Variants in SPI1 observed in about 807,000 individuals in gnomAD.
The protein encoded by SPI1 is transcription factor PU.1.
A neutral mutation model predicts 30.7 loss-of-function variants in SPI1; 3 were observed. That is an observed-to-expected ratio of 0.10 (90% CI 0.04 to 0.25). The LOEUF is 0.25. Ranked by LOEUF, SPI1 falls within the 10% of genes least tolerant of loss-of-function variation. SPI1 has a pLI of 1.00. For missense variants in SPI1, 261 were observed against 371.5 expected, an observed-to-expected ratio of 0.70 and a Z score of 2.45; for synonymous variants, 169 against 157.1, an observed-to-expected ratio of 1.08 and a Z score of -0.56.
In SPI1 at chr11:47,358,911, T is replaced by G; in HGVS notation, c.426A>C (p.Pro142=). 1 of 1,563,052 alleles carries G rather than the reference T, an allele frequency of 6.4e-7. No homozygotes were observed. Among genetic ancestry groups the G allele is most frequent in the Non-Finnish European group, 8.7e-7 (1 of 1,154,662 alleles). The change falls in exon 4 of 5, where the codon CCA becomes CCC. Residue 142 remains proline, a synonymous_variant. Coordinates refer to ENST00000378538, the MANE Select transcript of SPI1 (RefSeq NM_003120.3). The stretch of plus-strand genomic sequence containing the variant: ...CCGCCTCGCCGTCAGACACCTCCAG[T>G]GGGGGGCTCTGCCGCTCGCCCTCCT... The part of the protein sequence containing the change: ...DEEEGERQSP[P]LEVSDGEADG...
Position 47,355,416 on chromosome 11 carries a change from C to G in SPI1, c.624G>C (p.Ala208=), listed in dbSNP as rs113063744. The G allele has an allele frequency of 4.6e-5, 74 of 1,613,872 alleles. 1 individual carries two copies. In the African/African-American group the frequency reaches 7.6e-4, roughly 17 times the overall value. ...TFQFSSKHKE[A]LAHRWGIQKG... is the part of the protein sequence containing the mutation. The stretch of plus-strand genomic sequence containing the variant: ...TCTGGATGCCCCAGCGGTGCGCCAG[C>G]GCCTCCTTGTGCTTGGACGAGAACT... The change falls in exon 5 of 5, where the codon GCG becomes GCC. Residue 208 remains alanine (A), a synonymous_variant. Transcript: ENST00000378538.
intron 2 of SPI1, among the ~76,000 whole-genome samples, chr11:47,360,246 A>G (rs1038396617): frequency 6.6e-6 from 1 of 152,144 alleles, no homozygotes; most frequent in Admixed American, 6.5e-5. Context: ...CCCAAGGTCA[A>G]AAGCATCCGG....
intron 2 of SPI1, among the ~76,000 whole-genome samples, chr11:47,365,075 A>G (rs1433453372): frequency 6.6e-6 from 1 of 152,230 alleles, no homozygotes; most frequent in African/African-American, 2.4e-5. Flanking sequence ...TTCCAAATAC[A>G]GAGCCCTCTG....
chr11:47,358,584 C>T (rs1165131058), intron 4 of SPI1: 2 of 702,938 alleles, frequency 2.8e-6, no homozygotes, highest in Non-Finnish European at 5.2e-6. Flanking sequence ...CACACACACC[C>T]AGATGTACAC....
intron 2 of SPI1, among the ~76,000 whole-genome samples, chr11:47,361,819 T>C (rs2095921215): frequency 6.6e-6 from 1 of 152,216 alleles, no homozygotes. Flanking sequence ...GAGTACTCGC[T>C]TTCTAAACCT....
At chr11:47,370,031 T>C (rs1014848982) in intron 2 of SPI1, among the ~76,000 whole-genome samples, 2 of 152,154 alleles carry the variant, frequency 1.3e-5, no homozygotes, top group Non-Finnish European at 2.9e-5. Context: ...CGGATAGCAA[T>C]GGAGGAGATG....
intron 2 of SPI1, among the ~76,000 whole-genome samples, chr11:47,366,567 A>T (rs775893673): frequency 6.6e-6 from 1 of 152,160 alleles, no homozygotes; most frequent in Non-Finnish European, 1.5e-5. Context: ...TCAGACGTAG[A>T]AACAGGCTCA....
Position 47,358,753 on chromosome 11 carries a change from C to T in SPI1, c.493+91G>A, listed in dbSNP as rs1330403013. 40 of 1,291,604 alleles carry T rather than the reference C, an allele frequency of 3.1e-5. No individual in the cohort carries two copies. In the African/African-American group the frequency reaches 4.7e-4, roughly 15 times the overall value. The allele number at this position is 1,291,604 out of a possible 1,614,324, so 80.0% of individuals were successfully genotyped here. A position where few individuals can be genotyped will look rare whatever the true frequency, so the allele number is the denominator to read the frequency against. ...CACACACACACACGCGACTCGGTGG[C>T]GTGGCTGCTGGGTCAGTTGGCCTGG... On this transcript the variant is annotated intron_variant, in intron 4 of 4. Transcript: ENST00000378538.
rs2095917191 is a variant in SPI1 at position 47,359,324 on chromosome 11, G to A, written c.331-318C>T. On this transcript the variant is annotated intron_variant, in intron 3 of 4. Coordinates refer to ENST00000378538, the MANE Select transcript of SPI1 (RefSeq NM_003120.3). The surrounding 1 kb of genome is among the most constrained non-coding windows in gnomAD (Gnocchi z 5.1). Reference sequence around the variant, plus strand: ...AGCGGTGCTGTGTGGACCCGCATTAGGCTGGGGTCAGAAGAGGGCATGCTA... The same window carrying A: ...AGCGGTGCTGTGTGGACCCGCATTAAGCTGGGGTCAGAAGAGGGCATGCTA... Among the ~76,000 whole-genome samples the A allele has an allele frequency of 6.6e-6, 1 of 152,186 alleles. No homozygotes were observed. The highest frequency in any genetic ancestry group is 1.5e-5 in the Non-Finnish European group (1 of 68,026).
intron 4 of SPI1, among the ~76,000 whole-genome samples, chr11:47,356,453 C>T (rs1218963987): frequency 6.6e-6 from 1 of 151,102 alleles, no homozygotes; most frequent in Non-Finnish European, 1.5e-5. Flanking sequence ...CACACTCAGA[C>T]CCACTTACTG....
intron 4 of SPI1, chr11:47,358,066 C>T (rs948091281): frequency 5.8e-6 from 1 of 171,830 alleles, no homozygotes; most frequent in East Asian, 1.6e-4. Flanking sequence ...CATGCACAGA[C>T]CTGCTCACAT....
At chr11:47,377,851 A>G (rs2095944347) in intron 1 of SPI1, among the ~76,000 whole-genome samples, 1 of 152,160 alleles carries the variant, frequency 6.6e-6, no homozygotes, top group Admixed American at 6.5e-5. Context: ...CCAGAGTTCC[A>G]TCAGCTTTGG....
chr11:47,360,089 G>A (rs911314892), intron 2 of SPI1, 49 bp from the exon 3 acceptor site: 7 of 1,428,786 alleles, frequency 4.9e-6, no homozygotes, highest in African/African-American at 4.3e-5. Context: ...GTTGGGCAGG[G>A]CAGGAAAAGG....
chr11:47,356,648 TAC>T (rs1377408164), intron 4 of SPI1, among the ~76,000 whole-genome samples: 1 of 151,204 alleles, frequency 6.6e-6, no homozygotes, highest in East Asian at 2.0e-4. Flanking sequence ...CACACCTGCT[TAC>T]ACATCTTACA....
At position 47,374,217 on chromosome 11, in the gene SPI1, G is replaced by A. The variant is rs1194674702; in HGVS notation, c.142+1416C>T. ...TCTGGTAGGGAGAGCTGGGGATGGAGTTGGGGGAGGGGGACTTTCTCTCTA... is the reference window on the plus strand; with the variant it reads ...TCTGGTAGGGAGAGCTGGGGATGGAATTGGGGGAGGGGGACTTTCTCTCTA... On this transcript the variant is annotated intron_variant, in intron 2 of 4. Coordinates refer to ENST00000378538, the MANE Select transcript of SPI1 (RefSeq NM_003120.3). The surrounding 1 kb of genome is among the most constrained non-coding windows in gnomAD (Gnocchi z 4.5). Among the ~76,000 whole-genome samples, 2 of 152,246 alleles carry A rather than the reference G, an allele frequency of 1.3e-5. No individual in the cohort carries two copies. The highest frequency in any genetic ancestry group is 1.3e-4 in the Admixed American group (2 of 15,286).
chr11:47,373,194 T>C (rs994752705), intron 2 of SPI1, among the ~76,000 whole-genome samples: 1 of 150,598 alleles, frequency 6.6e-6, no homozygotes, highest in African/African-American at 2.5e-5. Flanking sequence ...CTACTAAAAA[T>C]ACAAAAAATT....
chr11:47,373,794 A>G (rs1196857925), intron 2 of SPI1, among the ~76,000 whole-genome samples: 1 of 152,170 alleles, frequency 6.6e-6, no homozygotes, highest in Admixed American at 6.5e-5. Flanking sequence ...GTGCCCAGGC[A>G]TCCAATCAGG....
chr11:47,358,474 A>G (rs552459228), intron 4 of SPI1: 76 of 648,010 alleles, frequency 1.2e-4, no homozygotes, highest in Non-Finnish European at 1.8e-4. Context: ...TCTCAGCCAC[A>G]CCAGCTCTCA....
In SPI1 at chr11:47,358,935, C is replaced by G. The variant is rs973223392; in HGVS notation, c.402G>C (p.Glu134Asp). Residue 134 changes from glutamate to aspartate, a missense_variant, in exon 4 of 5, where the codon GAG (glutamate) becomes GAC (aspartate). Coordinates refer to ENST00000378538, the MANE Select transcript of SPI1 (RefSeq NM_003120.3). ...GTGGGGGGCTCTGCCGCTCGCCCTC[C>G]TCCTCATCTGAGCTGGGCTGGGCTG... ...LSPAQPSSDE[E>D]EGERQSPPLE... 5.1e-6 allele frequency: 8 copies of G among 1,567,206 alleles called. No individual in the cohort carries two copies. The African/African-American group carries it at 1.1e-4, about 21-fold the overall frequency.
Sources: allele counts gnomAD v4.1 joint callset (sites outside exome capture counted in the v4.1 genomes callset), GRCh38; gene constraint gnomAD v4.1.1; non-coding constraint Gnocchi (gnomAD v3.1); transcripts MANE v1.5; gene names NCBI Gene and HGNC (gene_info 2026-07-23, HGNC 2026-07-21).